The following SLC16A12 variants were observed in gnomAD, a reference collection of about 807,000 sequenced individuals.
SLC16A12 encodes the protein monocarboxylate transporter 12.
SLC16A12 carries 17 observed loss-of-function variants against 42.4 expected under a neutral mutation model. The observed-to-expected ratio is 0.40, with a 90% confidence interval of 0.27 to 0.60. The LOEUF (loss-of-function observed/expected upper bound fraction) is 0.60. SLC16A12 is among the 20% of genes least tolerant of loss of function. SLC16A12 has a pLI of 0.42. For synonymous variants in SLC16A12, 224 were observed against 229.4 expected, an observed-to-expected ratio of 0.98 and a Z score of 0.21; for missense variants, 544 against 623.0, an observed-to-expected ratio of 0.87 and a Z score of 1.35.
At chr10:89,463,559 T>C (rs1842337690) in intron 2 of SLC16A12, among the ~76,000 whole-genome samples, 1 of 152,322 alleles carries the variant, frequency 6.6e-6, no homozygotes, top group Non-Finnish European at 1.5e-5. Flanking sequence ...ATCTGTTCTC[T>C]AGATAGGAAA....
chr10:89,484,458 C>T (rs925833760), intron 2 of SLC16A12, among the ~76,000 whole-genome samples: 3 of 152,112 alleles, frequency 2.0e-5, no homozygotes, highest in African/African-American at 4.8e-5. Flanking sequence ...GTTGTGGGTA[C>T]GTAGTAAATT....
intron 3 of SLC16A12, among the ~76,000 whole-genome samples, chr10:89,455,566 A>C (rs1057274914): frequency 4.6e-5 from 7 of 152,218 alleles, no homozygotes; most frequent in African/African-American, 1.7e-4. Flanking sequence ...ATCTGTTCTC[A>C]AAGGGGAAAA....
At chr10:89,434,308 T>C (rs1023654332) in intron 7 of SLC16A12, among the ~76,000 whole-genome samples, 1 of 152,218 alleles carries the variant, frequency 6.6e-6, no homozygotes, top group Non-Finnish European at 1.5e-5. Context: ...AATCCTCGAA[T>C]TTCCAGTAAT....
intron 2 of SLC16A12, among the ~76,000 whole-genome samples, chr10:89,465,817 C>T (rs946011697): frequency 7.9e-5 from 12 of 152,292 alleles, no homozygotes; most frequent in African/African-American, 2.9e-4. Context: ...GTCTCCCGTT[C>T]CCATGTCAGT....
chr10:89,539,918 T>C (rs986007646), upstream of SLC16A12, among the ~76,000 whole-genome samples: 34 of 148,236 alleles, frequency 2.3e-4, no homozygotes, highest in East Asian at 4.0e-4. Context: ...TCTTTTTTCT[T>C]TTTTTCTTTC....
At chr10:89,489,713 A>G (rs1298188648) in intron 2 of SLC16A12, among the ~76,000 whole-genome samples, 1 of 152,240 alleles carries the variant, frequency 6.6e-6, no homozygotes, top group African/African-American at 2.4e-5. Context: ...ACCTAAGGTG[A>G]ATACTTTTAA....
chr10:89,440,273 G>A lies in SLC16A12; in HGVS notation c.448+835C>T, dbSNP rs778350979. On this transcript the variant is annotated intron_variant, in intron 5 of 7. Coordinates refer to ENST00000371790, the MANE Select transcript of SLC16A12 (RefSeq NM_213606.4). ...GAGTTGCCTGGACTGAGGGGTTTCT[G>A]GATGTGGGACTTCCAGTGTTAAAAC... Among the ~76,000 whole-genome samples, 23 of 152,058 alleles carry A rather than the reference G, an allele frequency of 1.5e-4. 1 individual carries two copies. Among genetic ancestry groups the A allele is most frequent in the Non-Finnish European group, 2.6e-4 (18 of 68,012 alleles).
intron 7 of SLC16A12, among the ~76,000 whole-genome samples, chr10:89,435,380 A>G (rs1208305620): frequency 6.6e-6 from 1 of 152,142 alleles, no homozygotes; most frequent in Non-Finnish European, 1.5e-5. Context: ...CTGTATGCTA[A>G]ATTCTGCTGA....
chr10:89,544,896 C>T (rs1272333808), intron 2 of SLC16A12, among the ~76,000 whole-genome samples: 1 of 152,148 alleles, frequency 6.6e-6, no homozygotes, highest in African/African-American at 2.4e-5. Context: ...GACTTTGTAG[C>T]TCATTCCACA....
upstream of SLC16A12, among the ~76,000 whole-genome samples, chr10:89,537,155 T>TG (rs1843677797): frequency 1.3e-5 from 2 of 151,312 alleles, no homozygotes; most frequent in Admixed American, 6.6e-5. Flanking sequence ...GTTTTTTTTT[T>TG]TTTTTTTTTT....
intron 2 of SLC16A12, among the ~76,000 whole-genome samples, chr10:89,517,276 G>T (rs1038163186): frequency 9.2e-5 from 14 of 152,030 alleles, no homozygotes; most frequent in African/African-American, 3.4e-4. Context: ...ATGGGGGGCA[G>T]GGCGACGGGA....
intron 2 of SLC16A12, among the ~76,000 whole-genome samples, chr10:89,475,514 A>G (rs1050669541): frequency 6.6e-6 from 1 of 152,234 alleles, no homozygotes. Context: ...CACATGTGCC[A>G]TGAGACAATA....
intron 2 of SLC16A12, among the ~76,000 whole-genome samples, chr10:89,510,271 A>G (rs1308658715): frequency 1.3e-5 from 2 of 152,208 alleles, no homozygotes; most frequent in African/African-American, 4.8e-5. Flanking sequence ...GAGCCTGCAT[A>G]GCCAAGACAA....
At position 89,436,064 on chromosome 10, in the gene SLC16A12, G is replaced by A. The variant is rs760582920; in HGVS notation, c.1284C>T (p.Ile428=). The part of the protein sequence containing the change: ...HAVPYLVSPP[I]AGRLVDTTGS... ...GGTTTCTCTCTGGAAACTTACCTGC[G>A]ATGGGTGGGCTCACCAAGTATGGCA... The change falls in exon 7 of 8, where the codon ATC becomes ATT. Residue 428 remains isoleucine (I), a synonymous_variant. Coordinates refer to ENST00000371790, the MANE Select transcript of SLC16A12 (RefSeq NM_213606.4). 21 of 1,613,672 alleles carry A rather than the reference G, an allele frequency of 1.3e-5. No homozygotes were observed. Among genetic ancestry groups the A allele is most frequent in the Admixed American group, 1.7e-5 (1 of 59,966 alleles).
At chr10:89,549,774 G>A (rs1843760191) in intron 2 of SLC16A12, among the ~76,000 whole-genome samples, 1 of 152,022 alleles carries the variant, frequency 6.6e-6, no homozygotes, top group South Asian at 2.1e-4. Context: ...CACATGCTCT[G>A]CTCCAGGAAC....
chr10:89,453,980 C>CTG (rs1842136652), intron 3 of SLC16A12, among the ~76,000 whole-genome samples: 2 of 151,880 alleles, frequency 1.3e-5, no homozygotes, highest in Non-Finnish European at 2.9e-5. Context: ...CTCTCTCTCT[C>CTG]TCTCTTTAAC....
intron 2 of SLC16A12, among the ~76,000 whole-genome samples, chr10:89,501,724 C>A (rs1019550958): frequency 6.6e-6 from 1 of 152,060 alleles, no homozygotes; most frequent in African/African-American, 2.4e-5. Context: ...ACACTCCAGC[C>A]CGGGCGACAG....
upstream of SLC16A12, among the ~76,000 whole-genome samples, chr10:89,538,178 T>C (rs1299928105): frequency 2.6e-5 from 4 of 152,222 alleles, no homozygotes; most frequent in Non-Finnish European, 5.9e-5. Context: ...TGGACTGCTA[T>C]CGCTGTGCAG....
At chr10:89,503,858 G>C (rs1294346473) in intron 2 of SLC16A12, among the ~76,000 whole-genome samples, 1 of 152,202 alleles carries the variant, frequency 6.6e-6, no homozygotes. Flanking sequence ...AGGAAGACAA[G>C]TCTATCACCA....
Sources: gnomAD v4.1 joint callset for allele counts (sites outside exome capture counted in the v4.1 genomes callset) on GRCh38, gnomAD v4.1.1 for gene constraint, MANE v1.5 for transcripts, NCBI Gene and HGNC (gene_info 2026-07-23, HGNC 2026-07-21) for gene names.